GSG1L: variants seen among roughly 807,000 people sequenced by gnomAD.
The protein encoded by GSG1L is GSG1 like.
Under a neutral mutation model 42.1 loss-of-function variants are expected in GSG1L, and 24 were observed. The ratio of observed to expected loss-of-function variants is 0.57; its 90% CI spans 0.41 to 0.80. The LOEUF (loss-of-function observed/expected upper bound fraction) is 0.80, where lower values mean the gene tolerates loss of function less well. Among genes scored for constraint, GSG1L ranks in the 30% least tolerant of loss-of-function variants. GSG1L has a pLI of 0.00. For synonymous variants in GSG1L, 215 were observed against 203.5 expected, an observed-to-expected ratio of 1.06 and a Z score of -0.48; for missense variants, 445 against 472.2, an observed-to-expected ratio of 0.94 and a Z score of 0.53.
Position 27,859,841 on chromosome 16 carries a change from A to ATTTT in GSG1L, c.551-14784_551-14781dup, listed in dbSNP as rs576791634. ...CAGGTGTGCACCACCATGCCCAGCT[A>ATTTT]TTTTTTTTTTTTCATTTTTGCGCAG... On this transcript the variant is annotated intron_variant, in intron 3 of 6. Transcript: ENST00000447459. 7.3e-4 allele frequency among the ~76,000 whole-genome samples: 104 copies of ATTTT among 141,842 alleles called. 1 individual carries two copies. Among genetic ancestry groups the ATTTT allele is most frequent in the African/African-American group, 2.1e-3 (83 of 38,650 alleles). 93.1% of individuals were successfully genotyped at this position (141,842 alleles called of 152,430 possible).
At chr16:27,869,977 C>G (rs1207509830) in intron 3 of GSG1L, among the ~76,000 whole-genome samples, 1 of 148,324 alleles carries the variant, frequency 6.7e-6, no homozygotes, top group African/African-American at 2.5e-5. Flanking sequence ...CTCTCTCTCT[C>G]TCTGTCTCTG....
intron 3 of GSG1L, among the ~76,000 whole-genome samples, chr16:27,845,720 G>A (rs2083435651): frequency 6.6e-6 from 1 of 152,092 alleles, no homozygotes; most frequent in South Asian, 2.1e-4. Context: ...TAGTACTAGT[G>A]AGCTTGAGCA....
chr16:28,042,580 A>G (rs1031660237), intron 1 of GSG1L, among the ~76,000 whole-genome samples: 1 of 152,224 alleles, frequency 6.6e-6, no homozygotes, highest in Non-Finnish European at 1.5e-5. Context: ...AGAAGTATCA[A>G]AGAGAACCCA....
At chr16:27,946,629 GAGAAAGAA>G (rs1264356066) in intron 2 of GSG1L, among the ~76,000 whole-genome samples, 1 of 40,216 alleles carries the variant, frequency 2.5e-5, no homozygotes, top group South Asian at 9.1e-4. Context: ...GAGAGAGAGA[GAGAAAGAA>G]AGAAAGAAAG....
intron 2 of GSG1L, among the ~76,000 whole-genome samples, chr16:27,942,474 A>G (rs1408688422): frequency 7.2e-6 from 1 of 139,742 alleles, no homozygotes; most frequent in East Asian, 2.0e-4. Flanking sequence ...CTTAAAAGAC[A>G]TCTGAGAAAA....
chr16:27,954,208 C>T (rs146931401), intron 2 of GSG1L, among the ~76,000 whole-genome samples: 3 of 151,974 alleles, frequency 2.0e-5, no homozygotes, highest in African/African-American at 7.3e-5. Context: ...CTTTCAATAC[C>T]GCCAATCATT....
intron 2 of GSG1L, among the ~76,000 whole-genome samples, chr16:27,936,355 A>G (rs1354446584): frequency 6.6e-6 from 1 of 152,148 alleles, no homozygotes; most frequent in African/African-American, 2.4e-5. Context: ...ACTCCTCATG[A>G]ATAGATCAAT....
chr16:27,939,136 T>G (rs2084755983), intron 2 of GSG1L, among the ~76,000 whole-genome samples: 1 of 152,112 alleles, frequency 6.6e-6, no homozygotes, highest in Admixed American at 6.6e-5. Context: ...TTTTTTTTCT[T>G]TTTGAGACAG....
At chr16:27,803,780 T>TATATAATTAG (rs1567460327) in intron 6 of GSG1L, among the ~76,000 whole-genome samples, 18 of 83,090 alleles carry the variant, frequency 2.2e-4, no homozygotes, top group African/African-American at 8.5e-4. Flanking sequence ...TATATATATA[T>TATATAATTAG]ATATATATAT....
chr16:27,907,503 T>G (rs2084333526), intron 2 of GSG1L, among the ~76,000 whole-genome samples: 1 of 152,224 alleles, frequency 6.6e-6, no homozygotes, highest in African/African-American at 2.4e-5. Flanking sequence ...CCTCTGGGGA[T>G]ATGAGCTCCC....
chr16:28,042,917 A>C (rs1189703879), intron 1 of GSG1L, among the ~76,000 whole-genome samples: 1 of 152,166 alleles, frequency 6.6e-6, no homozygotes, highest in Admixed American at 6.5e-5. Context: ...CAAATGGGGA[A>C]AGCACGGGCT....
intron 3 of GSG1L, among the ~76,000 whole-genome samples, chr16:27,869,370 CCCATT>C (rs2083773161): frequency 6.6e-6 from 1 of 151,538 alleles, no homozygotes; most frequent in Non-Finnish European, 1.5e-5. Flanking sequence ...TAAATGTCGG[CCCATT>C]TGCTGCTGTT....
intron 6 of GSG1L, among the ~76,000 whole-genome samples, chr16:27,800,549 G>A (rs769353277): frequency 5.3e-5 from 8 of 152,132 alleles, no homozygotes; most frequent in Admixed American, 3.3e-4. Context: ...CAAATGTCAC[G>A]TCTGATGTGC....
chr16:27,980,901 C>CAAAAAAAAAA (rs11390148), intron 1 of GSG1L, among the ~76,000 whole-genome samples: 242 of 126,054 alleles, frequency 1.9e-3, no homozygotes, highest in Non-Finnish European at 2.9e-3. Flanking sequence ...AACCAAAAAA[C>CAAAAAAAAAA]AAAAAAAAAA....
In GSG1L at chr16:28,009,373, C is replaced by T. The variant is rs78276515; in HGVS notation, c.350-46170G>A. Among the ~76,000 whole-genome samples the T allele has an allele frequency of 3.9e-5, 6 of 152,158 alleles. No homozygotes were observed. In the South Asian group the frequency reaches 1.0e-3, roughly 26 times the overall value. ...ATTATAAAATAGCACCCCTGCCCCC[C>T]CTGCATGCCCTTACCCCAGACCCTG... On this transcript the variant is annotated intron_variant, in intron 1 of 6. Coordinates refer to ENST00000447459, the MANE Select transcript of GSG1L (RefSeq NM_001109763.2).
In GSG1L at chr16:28,049,691, A is replaced by AG. The variant is rs1421013504; in HGVS notation, c.349+13384_349+13385insC. On this transcript the variant is annotated intron_variant, in intron 1 of 6. Coordinates refer to ENST00000447459, the MANE Select transcript of GSG1L (RefSeq NM_001109763.2). The stretch of plus-strand genomic sequence containing the variant: ...AACACAGTGAGACCCTGTCTCAAAA[A>AG]AAAAAAAAAAGAAGAAGAAGTGGAA... 1.3e-4 allele frequency among the ~76,000 whole-genome samples: 20 copies of AG among 151,908 alleles called. No individual in the cohort carries two copies. In the East Asian group the frequency reaches 3.9e-3, roughly 29 times the overall value.
chr16:28,055,390 G>C (rs557452773), intron 1 of GSG1L, among the ~76,000 whole-genome samples: 1 of 152,160 alleles, frequency 6.6e-6, no homozygotes, highest in African/African-American at 2.4e-5. Flanking sequence ...ATTCCCCAAG[G>C]GATCCCAAAG....
rs150563231 is a variant in GSG1L, at chr16:27,851,080, C to T, written c.551-6019G>A. ...CGATTGTGGAAGCAAGGTCCAGAGA[C>T]GGCCAGAAGGTGCGAGGAGGTTCTA... On this transcript the variant is annotated intron_variant, in intron 3 of 6. Coordinates refer to ENST00000447459, the MANE Select transcript of GSG1L (RefSeq NM_001109763.2). Among the ~76,000 whole-genome samples the T allele has an allele frequency of 2.0e-4, 31 of 152,252 alleles. No individual in the cohort carries two copies. In the East Asian group the frequency reaches 2.9e-3, roughly 14 times the overall value.
chr16:28,041,406 C>T (rs1246017712), intron 1 of GSG1L, among the ~76,000 whole-genome samples: 1 of 151,982 alleles, frequency 6.6e-6, no homozygotes, highest in South Asian at 2.1e-4. Flanking sequence ...GAGCTGCGAT[C>T]ACACCACTGC....
Sources: gnomAD v4.1 joint callset for allele counts (sites outside exome capture counted in the v4.1 genomes callset) on GRCh38, gnomAD v4.1.1 for gene constraint, MANE v1.5 for transcripts, NCBI Gene and HGNC (gene_info 2026-07-23, HGNC 2026-07-21) for gene names.